Variants in RTN4IP1 observed in about 807,000 individuals in gnomAD.
RTN4IP1 encodes the protein NAD(P)H oxidoreductase RTN4IP1, mitochondrial.
Under a neutral mutation model 46.6 loss-of-function variants are expected in RTN4IP1, and 32 were observed. That is an observed-to-expected ratio of 0.69 (90% confidence interval 0.52 to 0.92). The LOEUF is 0.92. RTN4IP1 is among the 40% of genes least tolerant of loss of function. The pLI, the probability that RTN4IP1 is intolerant of heterozygous loss-of-function variation, is 0.00. For missense variants in RTN4IP1, 424 were observed against 485.8 expected, an observed-to-expected ratio of 0.87 and a Z score of 1.20; for synonymous variants, 167 against 161.8, an observed-to-expected ratio of 1.03 and a Z score of -0.24.
In RTN4IP1 at chr6:106,592,178, C is replaced by T. The variant is rs376207748; in HGVS notation, c.792G>A (p.Leu264=). ...CTAATACATACGGTTTTAAGGATTTCAACTGCTCTTCCACACTTCCAGATT... is the reference window on the plus strand; with the variant it reads ...CTAATACATACGGTTTTAAGGATTTTAACTGCTCTTCCACACTTCCAGATT... ...DYKSGSVEEQ[L]KSLKPFDFIL... is the part of the protein sequence containing the mutation. Residue 264 remains leucine (L), a synonymous_variant, in exon 6 of 9, where the codon TTG becomes TTA. Transcript: ENST00000369063. The T allele has an allele frequency of 1.6e-4, 252 of 1,613,864 alleles. No homozygotes were observed. Among genetic ancestry groups the T allele is most frequent in the Non-Finnish European group, 2.0e-4 (235 of 1,179,990 alleles).
chr6:106,619,650 C>T (rs1393369380), intron 3 of RTN4IP1, among the ~76,000 whole-genome samples: 9 of 129,660 alleles, frequency 6.9e-5, no homozygotes, highest in South Asian at 2.4e-4. Context: ...CTTGCTCTGT[C>T]GCCCAGGCTG....
At chr6:106,625,690 G>A (rs1182867811) in intron 1 of RTN4IP1, among the ~76,000 whole-genome samples, 1 of 129,962 alleles carries the variant, frequency 7.7e-6, no homozygotes, top group Non-Finnish European at 1.6e-5. Context: ...TTGAGACAGA[G>A]TCTTGCTCTG....
At chr6:106,630,378 C>T (rs2114693568), upstream of RTN4IP1, among the ~76,000 whole-genome samples, 1 of 151,178 alleles carries the variant, frequency 6.6e-6, no homozygotes, top group Non-Finnish European at 1.5e-5. Flanking sequence ...TCTTAATAGA[C>T]TCTTTTTAAT....
intron 4 of RTN4IP1, among the ~76,000 whole-genome samples, chr6:106,611,668 G>C (rs1192686732): frequency 6.6e-6 from 1 of 152,158 alleles, no homozygotes. Flanking sequence ...AAGTGAGTGA[G>C]AAACTTAATC....
intron 4 of RTN4IP1, among the ~76,000 whole-genome samples, chr6:106,603,988 C>G (rs1776002967): frequency 6.6e-6 from 1 of 152,134 alleles, no homozygotes; most frequent in Admixed American, 6.5e-5. Flanking sequence ...AAAAAAAACA[C>G]TTTTCTGAAC....
rs370340038 is a variant in RTN4IP1 at position 106,596,239 on chromosome 6, T to C, written c.670-3939A>G. On this transcript the variant is annotated intron_variant, in intron 5 of 8. Coordinates refer to ENST00000369063, the MANE Select transcript of RTN4IP1 (RefSeq NM_032730.5). Reference sequence around the variant, plus strand: ...CCTGCCTTGTTTCAGTGAGAAATGATATTTCAAGTGATGGCTTTACATACA... The same window carrying C: ...CCTGCCTTGTTTCAGTGAGAAATGACATTTCAAGTGATGGCTTTACATACA... Among the ~76,000 whole-genome samples, 5 of 152,318 alleles carry C rather than the reference T, an allele frequency of 3.3e-5. No individual in the cohort carries two copies. In the East Asian group the frequency reaches 5.8e-4, roughly 18 times the overall value.
intron 8 of RTN4IP1, among the ~76,000 whole-genome samples, chr6:106,579,030 A>C (rs1443275633): frequency 6.6e-6 from 1 of 151,606 alleles, no homozygotes; most frequent in Non-Finnish European, 1.5e-5. Context: ...AGGTCAAGAG[A>C]TTGAGACCAG....
At chr6:106,587,638 G>T (rs186011288) in intron 7 of RTN4IP1, 41 bp downstream of exon 7, 2 of 1,565,678 alleles carry the variant, frequency 1.3e-6, no homozygotes, top group Non-Finnish European at 1.7e-6. Flanking sequence ...TCTAGCAGCA[G>T]GAGGCTGCCT....
intron 5 of RTN4IP1, among the ~76,000 whole-genome samples, chr6:106,598,651 G>C (rs9373880): frequency 0.23 from 34,745 of 151,890 alleles, 4,648 homozygotes; most frequent in East Asian, 0.3. Context: ...TAGGCTGCCT[G>C]TTCACTCTGA....
intron 6 of RTN4IP1, among the ~76,000 whole-genome samples, chr6:106,588,566 T>G (rs574036051): frequency 3.9e-5 from 6 of 152,326 alleles, no homozygotes; most frequent in Middle Eastern, 3.4e-3. Flanking sequence ...GATATTCAAC[T>G]TCTTACATCT....
chr6:106,628,436 C>A (rs1319417699), intron 1 of RTN4IP1, among the ~76,000 whole-genome samples: 3 of 151,698 alleles, frequency 2.0e-5, no homozygotes, highest in Non-Finnish European at 4.4e-5. Flanking sequence ...CCACCGCACT[C>A]TAGCCTGGGT....
chr6:106,609,994 T>A (rs2114665513), intron 4 of RTN4IP1, among the ~76,000 whole-genome samples: 1 of 152,332 alleles, frequency 6.6e-6, no homozygotes, highest in East Asian at 1.9e-4. Flanking sequence ...TCTGGTCCTG[T>A]AAACTCCACA....
chr6:106,615,232 C>G (rs1582384626), intron 4 of RTN4IP1, among the ~76,000 whole-genome samples: 1 of 151,878 alleles, frequency 6.6e-6, no homozygotes, highest in Non-Finnish European at 1.5e-5. Flanking sequence ...AAGAAAAGGC[C>G]TTAGAATGCA....
At chr6:106,574,436 C>G (rs1775169029) in intron 8 of RTN4IP1, among the ~76,000 whole-genome samples, 1 of 144,726 alleles carries the variant, frequency 6.9e-6, no homozygotes. Flanking sequence ...GAGCGAGACT[C>G]TGTCTCCAAA....
chr6:106,583,435 A>C lies in RTN4IP1; in HGVS notation c.991-15T>G. The C allele has an allele frequency of 2.5e-6, 4 of 1,594,712 alleles. No individual in the cohort carries two copies. Among genetic ancestry groups the C allele is most frequent in the Non-Finnish European group, 3.4e-6 (4 of 1,163,776 alleles). On this transcript the variant is annotated splice_polypyrimidine_tract_variant and intron_variant, in intron 7 of 8. Transcript: ENST00000369063. ...TTCCAGAAATGCTAAAAAGAAGAAA[A>C]CAAAACATGTCAAATACAGAAAAAC...
chr6:106,608,902 G>A (rs776554062), intron 4 of RTN4IP1, among the ~76,000 whole-genome samples: 1 of 152,114 alleles, frequency 6.6e-6, no homozygotes, highest in South Asian at 2.1e-4. Context: ...TCTCATTTAA[G>A]TTCCTCACAA....
intron 8 of RTN4IP1, among the ~76,000 whole-genome samples, chr6:106,579,435 T>C (rs1775305160): frequency 6.6e-6 from 1 of 152,118 alleles, no homozygotes. Context: ...TAAGGCTTCG[T>C]GATGACAGTC....
upstream of RTN4IP1, among the ~76,000 whole-genome samples, chr6:106,630,324 T>TATA (rs1209740511): frequency 6.6e-6 from 1 of 152,168 alleles, no homozygotes; most frequent in Non-Finnish European, 1.5e-5. Context: ...TAACAGGACT[T>TATA]ACCTCTCAAC....
At chr6:106,594,436 G>A (rs563872730) in intron 5 of RTN4IP1, among the ~76,000 whole-genome samples, 2 of 152,238 alleles carry the variant, frequency 1.3e-5, no homozygotes, top group East Asian at 1.9e-4. Context: ...TTGAGCCGGC[G>A]GGGGTGGAGG....
Sources: allele counts gnomAD v4.1 joint callset (sites outside exome capture counted in the v4.1 genomes callset), GRCh38; gene constraint gnomAD v4.1.1; transcripts MANE v1.5; gene names NCBI Gene and HGNC (gene_info 2026-07-23, HGNC 2026-07-21).